The following PDCD1LG2 variants were observed in gnomAD, a reference collection of about 807,000 sequenced individuals.
PDCD1LG2 encodes B7 dendritic cell molecule.
A neutral mutation model predicts 28.2 loss-of-function variants in PDCD1LG2; 32 were observed. The observed-to-expected ratio is 1.13, with a 90% CI of 0.86 to 1.52. The LOEUF is 1.52. Ranked by LOEUF, PDCD1LG2 falls within the 40% of genes most tolerant of loss-of-function variation. The probability of loss-of-function intolerance (pLI) is 0.00; values close to 1 mark genes in which losing one functional copy is unlikely to be tolerated. For synonymous variants in PDCD1LG2, 116 were observed against 120.2 expected, an observed-to-expected ratio of 0.97 and a Z score of 0.23; for missense variants, 385 against 323.8, an observed-to-expected ratio of 1.19 and a Z score of -1.45.
At chr9:5,554,248 G>C (rs1456985040) in intron 4 of PDCD1LG2, among the ~76,000 whole-genome samples, 3 of 152,220 alleles carry the variant, frequency 2.0e-5, no homozygotes, top group Admixed American at 1.3e-4. Flanking sequence ...TGGGTTGATT[G>C]GGTTGGAGAT....
At chr9:5,566,540 A>G (rs971207643) in intron 6 of PDCD1LG2, among the ~76,000 whole-genome samples, 1 of 152,246 alleles carries the variant, frequency 6.6e-6, no homozygotes, top group Admixed American at 6.5e-5. Context: ...TCCATCTGGC[A>G]TGGTAACCAG....
chr9:5,551,405 T>C (rs1187551182), intron 4 of PDCD1LG2, among the ~76,000 whole-genome samples: 1 of 152,166 alleles, frequency 6.6e-6, no homozygotes, highest in East Asian at 1.9e-4. Flanking sequence ...GCAAGAGATT[T>C]AGGAGTTTAA....
intron 6 of PDCD1LG2, among the ~76,000 whole-genome samples, chr9:5,567,192 C>T (rs953713004): frequency 1.3e-5 from 2 of 152,172 alleles, no homozygotes; most frequent in Non-Finnish European, 2.9e-5. Context: ...GATGCTATAC[C>T]TTCTTTAAAG....
chr9:5,551,084 G>A (rs992908914), intron 4 of PDCD1LG2, among the ~76,000 whole-genome samples: 1 of 152,112 alleles, frequency 6.6e-6, no homozygotes, highest in Non-Finnish European at 1.5e-5. Flanking sequence ...GGTTATTTGG[G>A]GTGATCTTCC....
intron 1 of PDCD1LG2, among the ~76,000 whole-genome samples, chr9:5,511,718 C>T (rs1820062648): frequency 6.6e-6 from 1 of 152,162 alleles, no homozygotes; most frequent in Non-Finnish European, 1.5e-5. Context: ...AATCCTGGTC[C>T]TGCTGCTCTT....
chr9:5,520,456 T>G (rs2129714728), intron 1 of PDCD1LG2, among the ~76,000 whole-genome samples: 1 of 152,348 alleles, frequency 6.6e-6, no homozygotes, highest in South Asian at 2.1e-4. Context: ...TTAATTTTTG[T>G]ATATGGTATG....
Position 5,522,552 on chromosome 9 carries a change from C to G in PDCD1LG2, c.6C>G (p.Ile2Met), listed in dbSNP as rs2129725821. 1 of 1,613,670 alleles carries G rather than the reference C, an allele frequency of 6.2e-7. No homozygotes were observed. The highest frequency in any genetic ancestry group is 8.5e-7 in the Non-Finnish European group (1 of 1,179,680). ...TTTCAGATCAAATACAGAACATGAT[C>G]TTCCTCCTGCTAATGTTGAGCCTGG... M[I>M]FLLLMLSLEL... The change falls in exon 2 of 7, where the codon ATC (isoleucine) becomes ATG (methionine). Residue 2 changes from isoleucine (I) to methionine (M), a missense_variant. Ile to Met is a conservative substitution (Grantham distance 10). Transcript: ENST00000397747.
At chr9:5,528,142 C>G (rs938733778) in intron 2 of PDCD1LG2, among the ~76,000 whole-genome samples, 2 of 150,494 alleles carry the variant, frequency 1.3e-5, no homozygotes, top group Non-Finnish European at 3.0e-5. Flanking sequence ...TTTCTTAAGT[C>G]ATTCTAATAG....
At chr9:5,516,984 G>A (rs1196138548) in intron 1 of PDCD1LG2, among the ~76,000 whole-genome samples, 1 of 152,206 alleles carries the variant, frequency 6.6e-6, no homozygotes, top group Non-Finnish European at 1.5e-5. Flanking sequence ...TCAGTACGGG[G>A]CGGGACTCCC....
chr9:5,523,912 AG>A (rs1290604303), intron 2 of PDCD1LG2, among the ~76,000 whole-genome samples: 1 of 152,194 alleles, frequency 6.6e-6, no homozygotes, highest in African/African-American at 2.4e-5. Flanking sequence ...GGAGTGAGCT[AG>A]GGTGACAAGG....
chr9:5,522,395 C>G, intron 1 of PDCD1LG2, 138 bp from the exon 2 acceptor site: 1 of 590,588 alleles, frequency 1.7e-6, no homozygotes, highest in Non-Finnish European at 3.0e-6. Context: ...CCTATAACTT[C>G]TCCTCCCAGC....
At chr9:5,553,852 C>T (rs775198035) in intron 4 of PDCD1LG2, among the ~76,000 whole-genome samples, 4 of 152,296 alleles carry the variant, frequency 2.6e-5, no homozygotes, top group South Asian at 2.1e-4. Flanking sequence ...ACTTTGTATT[C>T]GTCCTACTGT....
intron 1 of PDCD1LG2, among the ~76,000 whole-genome samples, chr9:5,516,704 G>A (rs117287178): frequency 6.6e-6 from 1 of 152,206 alleles, no homozygotes; most frequent in Non-Finnish European, 1.5e-5. Flanking sequence ...GGAAGAGGTC[G>A]AGGCAGCAGG....
intron 3 of PDCD1LG2, among the ~76,000 whole-genome samples, chr9:5,543,728 A>C (rs145023374): frequency 1.4e-4 from 21 of 152,270 alleles, no homozygotes; most frequent in African/African-American, 4.8e-4. Context: ...GGGGAAACAG[A>C]AGGGTGTAAG....
At chr9:5,521,447 A>C (rs545988862) in intron 1 of PDCD1LG2, among the ~76,000 whole-genome samples, 1 of 152,300 alleles carries the variant, frequency 6.6e-6, no homozygotes, top group African/African-American at 2.4e-5. Flanking sequence ...GAAATTTTTA[A>C]AATAAAATTT....
At chr9:5,558,497 C>T (rs1386763949) in intron 5 of PDCD1LG2, among the ~76,000 whole-genome samples, 1 of 152,158 alleles carries the variant, frequency 6.6e-6, no homozygotes. Context: ...TAAACGGCTC[C>T]CTTGTCTGCA....
At chr9:5,560,551 TG>T (rs1265729813) in intron 5 of PDCD1LG2, among the ~76,000 whole-genome samples, 1 of 152,174 alleles carries the variant, frequency 6.6e-6, no homozygotes, top group Non-Finnish European at 1.5e-5. Flanking sequence ...AGGACCCCTA[TG>T]GGTTGATGAG....
chr9:5,550,356 C>T (rs1816305471), intron 4 of PDCD1LG2, among the ~76,000 whole-genome samples: 1 of 152,288 alleles, frequency 6.6e-6, no homozygotes, highest in East Asian at 1.9e-4. Flanking sequence ...ACAACTAACA[C>T]CTAGTATCAT....
At chr9:5,553,274 A>T (rs985043810) in intron 4 of PDCD1LG2, among the ~76,000 whole-genome samples, 2 of 152,242 alleles carry the variant, frequency 1.3e-5, no homozygotes, top group Non-Finnish European at 2.9e-5. Flanking sequence ...GGTTGAGACC[A>T]CAGACTTCTC....
Sources: allele counts gnomAD v4.1 joint callset (sites outside exome capture counted in the v4.1 genomes callset), GRCh38; gene constraint gnomAD v4.1.1; transcripts MANE v1.5; gene names NCBI Gene and HGNC (gene_info 2026-07-23, HGNC 2026-07-21).